The following DLGAP2 variants were observed in gnomAD, a reference collection of about 807,000 sequenced individuals.
DLGAP2 encodes the protein DLG associated protein 2.
Under a neutral mutation model 100.3 loss-of-function variants are expected in DLGAP2, and 26 were observed. That is an observed-to-expected ratio of 0.26 (90% CI 0.19 to 0.36). The LOEUF (loss-of-function observed/expected upper bound fraction) is 0.36. Among genes scored for constraint, DLGAP2 ranks in the 10% least tolerant of loss-of-function variants. The pLI is 1.00. For missense variants in DLGAP2, 1,858 were observed against 1,453.2 expected, an observed-to-expected ratio of 1.28 and a Z score of -4.53; for synonymous variants, 886 against 630.1, an observed-to-expected ratio of 1.41 and a Z score of -6.08.
chr8:1,390,906 G>C (rs6997319), intron 3 of DLGAP2, among the ~76,000 whole-genome samples: 3 of 152,204 alleles, frequency 2.0e-5, no homozygotes, highest in African/African-American at 4.8e-5. Flanking sequence ...TGGCAAGGCA[G>C]GCAGCAACCT....
chr8:972,318 A>T (rs913534384), intron 2 of DLGAP2, among the ~76,000 whole-genome samples: 4 of 152,364 alleles, frequency 2.6e-5, no homozygotes, highest in Admixed American at 2.6e-4. Context: ...AGCAAGCACC[A>T]AAATAAGACC....
intron 2 of DLGAP2, among the ~76,000 whole-genome samples, chr8:1,085,922 A>G (rs948652083): frequency 2.0e-5 from 3 of 152,116 alleles, no homozygotes; most frequent in African/African-American, 7.2e-5. Context: ...ATTTATTTGT[A>G]TCTTCAGTTG....
intron 12 of DLGAP2, among the ~76,000 whole-genome samples, chr8:1,686,226 G>C (rs1318657244): frequency 6.6e-6 from 1 of 152,172 alleles, no homozygotes; most frequent in Non-Finnish European, 1.5e-5. Context: ...AGTAATGTGT[G>C]TGAATAATAT....
intron 2 of DLGAP2, chr8:1,137,802 T>C (rs1034121087): frequency 3.3e-5 from 5 of 152,236 alleles, no homozygotes; most frequent in African/African-American, 1.2e-4. Context: ...TTTTTATTTT[T>C]TTTCTTTTAA....
At chr8:1,145,911 A>C (rs529406110) in intron 2 of DLGAP2, among the ~76,000 whole-genome samples, 1 of 150,892 alleles carries the variant, frequency 6.6e-6, no homozygotes, top group Non-Finnish European at 1.5e-5. Flanking sequence ...ATGATTTCCA[A>C]TTTCATCCAT....
intron 2 of DLGAP2, among the ~76,000 whole-genome samples, chr8:1,092,270 C>T (rs1332115655): frequency 6.6e-6 from 1 of 152,216 alleles, no homozygotes; most frequent in African/African-American, 2.4e-5. Context: ...CAACTCAGAG[C>T]CTGGCATTTC....
intron 6 of DLGAP2, among the ~76,000 whole-genome samples, chr8:1,584,681 C>T (rs532690198): frequency 2.0e-5 from 3 of 152,160 alleles, no homozygotes; most frequent in Non-Finnish European, 4.4e-5. Flanking sequence ...AGGTGAGGAC[C>T]TGGGGATTCG....
At chr8:927,550 G>A (rs993656497) in intron 2 of DLGAP2, among the ~76,000 whole-genome samples, 3 of 152,098 alleles carry the variant, frequency 2.0e-5, no homozygotes, top group Admixed American at 6.5e-5. Flanking sequence ...GGCACTTAAC[G>A]CCTCCGAGCC....
At chr8:1,161,101 GTTA>G (rs1796880208) in intron 2 of DLGAP2, among the ~76,000 whole-genome samples, 1 of 152,226 alleles carries the variant, frequency 6.6e-6, no homozygotes, top group Non-Finnish European at 1.5e-5. Context: ...TTTTATGGCT[GTTA>G]TTACTAAATT....
At chr8:1,031,603 G>T (rs1235561280) in intron 2 of DLGAP2, among the ~76,000 whole-genome samples, 1 of 151,946 alleles carries the variant, frequency 6.6e-6, no homozygotes, top group African/African-American at 2.4e-5. Flanking sequence ...TAGAGACGAG[G>T]TCTCATCATG....
At chr8:1,304,568 AG>A (rs1428909706) in intron 3 of DLGAP2, among the ~76,000 whole-genome samples, 1 of 152,246 alleles carries the variant, frequency 6.6e-6, no homozygotes, top group Non-Finnish European at 1.5e-5. Context: ...TTTTAAAAGA[AG>A]AAAGTAGGAT....
intron 10 of DLGAP2, among the ~76,000 whole-genome samples, chr8:1,674,772 G>T (rs978875115): frequency 2.6e-5 from 4 of 152,136 alleles, no homozygotes; most frequent in Non-Finnish European, 5.9e-5. Flanking sequence ...CAGAAAACTA[G>T]AAATAACCAA....
intron 3 of DLGAP2, among the ~76,000 whole-genome samples, chr8:1,389,033 T>A (rs1248997659): frequency 7.0e-6 from 1 of 143,160 alleles, no homozygotes; most frequent in Non-Finnish European, 1.5e-5. Flanking sequence ...GAGGAGGCGC[T>A]GGTTCAGGTG....
chr8:1,392,833 A>G (rs62484195), intron 3 of DLGAP2, among the ~76,000 whole-genome samples: 7,306 of 149,946 alleles, frequency 0.049, 250 homozygotes, highest in South Asian at 0.081. Flanking sequence ...ACTTTGGCAA[A>G]GTGAATGTAT....
rs1373355629 is a variant in DLGAP2 at position 751,080 on chromosome 8, A to G, written c.18+13255A>G. ...GGATCTCCGGCCACCCTCTCACGGGAAGGAGCATTTTCCTGGATCTCCGGC... is the reference window on the plus strand; with the variant it reads ...GGATCTCCGGCCACCCTCTCACGGGGAGGAGCATTTTCCTGGATCTCCGGC... On this transcript the variant is annotated intron_variant, in intron 1 of 14. Transcript: ENST00000637795. Among the ~76,000 whole-genome samples, 3 of 145,160 alleles carry G rather than the reference A, an allele frequency of 2.1e-5. No individual in the cohort carries two copies. In the Admixed American group the frequency reaches 2.1e-4, roughly 10 times the overall value.
chr8:822,305 G>C, intron 1 of DLGAP2: 1 of 398,956 alleles, frequency 2.5e-6, no homozygotes, highest in Non-Finnish European at 4.4e-6. Context: ...GGGCACAGGG[G>C]TGACGGGGGC....
Position 1,101,733 on chromosome 8 carries a change from A to G in DLGAP2, c.74-157118A>G, listed in dbSNP as rs1432094333. On this transcript the variant is annotated intron_variant, in intron 2 of 14. Transcript: ENST00000637795. Reference sequence around the variant, plus strand: ...CCCCGGAGCCGAACACGACACGACGATGGGAAGCTCCTCGTCACCCCTGAG... The same window carrying G: ...CCCCGGAGCCGAACACGACACGACGGTGGGAAGCTCCTCGTCACCCCTGAG... Among the ~76,000 whole-genome samples, 15 of 122,226 alleles carry G rather than the reference A, an allele frequency of 1.2e-4. 1 individual carries two copies. The Admixed American group carries it at 1.2e-3, about 10-fold the overall frequency. 80.2% of individuals were successfully genotyped at this position (122,226 alleles called of 152,430 possible).
In DLGAP2 at chr8:1,328,717, A is replaced by G. The variant is rs568471130; in HGVS notation, c.106+69834A>G. Among the ~76,000 whole-genome samples, 5 of 152,334 alleles carry G rather than the reference A, an allele frequency of 3.3e-5. No homozygotes were observed. The South Asian group carries it at 8.3e-4, about 25-fold the overall frequency. ...TTCTTTTTAAAAACTCGTAGTAAAG[A>G]CAGAACAACAACCACAGCAAAATGA... On this transcript the variant is annotated intron_variant, in intron 3 of 14. Coordinates refer to ENST00000637795, the MANE Select transcript of DLGAP2 (RefSeq NM_001346810.2).
Position 1,185,733 on chromosome 8 carries a change from T to TCACACACACACACACACTCACACTCA in DLGAP2, c.74-73105_74-73104insACACTCACACTCACACACACACACAC, listed in dbSNP as rs77585255. Among the ~76,000 whole-genome samples the TCACACACACACACACACTCACACTCA allele has an allele frequency of 5.0e-5, 7 of 139,330 alleles. No homozygotes were observed. In the South Asian group the frequency reaches 9.1e-4, roughly 18 times the overall value. The allele number at this position is 139,330 out of a possible 152,430, so 91.4% of individuals were successfully genotyped here. On this transcript the variant is annotated intron_variant, in intron 2 of 14. Coordinates refer to ENST00000637795, the MANE Select transcript of DLGAP2 (RefSeq NM_001346810.2). The stretch of plus-strand genomic sequence containing the variant: ...CTCACACACACACACACACTCACAC[T>TCACACACACACACACACTCACACTCA]CACACACACACACTCACACACATTC...
Sources: gnomAD v4.1 joint callset for allele counts (sites outside exome capture counted in the v4.1 genomes callset) on GRCh38, gnomAD v4.1.1 for gene constraint, MANE v1.5 for transcripts, NCBI Gene and HGNC (gene_info 2026-07-23, HGNC 2026-07-21) for gene names.